Variants in ABCA8 observed in about 807,000 individuals in gnomAD.
ABCA8 encodes the protein ABC-type organic anion transporter ABCA8.
Under a neutral mutation model 192.3 loss-of-function variants are expected in ABCA8, and 177 were observed. That is an observed-to-expected ratio of 0.92 (90% confidence interval 0.81 to 1.04). The LOEUF (loss-of-function observed/expected upper bound fraction) is 1.04, where lower values mean the gene tolerates loss of function less well. ABCA8 is among the 50% of genes least tolerant of loss of function. ABCA8 has a pLI of 0.00. For synonymous variants in ABCA8, 642 were observed against 690.2 expected (o/e 0.93, Z 1.09); for missense variants, 1,915 against 1,904.8 (o/e 1.01, Z -0.10).
At position 68,918,091 on chromosome 17, in the gene ABCA8, A is replaced by T; in HGVS notation, c.2003T>A (p.Ile668Asn). The T allele has an allele frequency of 6.2e-7, 1 of 1,614,186 alleles. No individual in the cohort carries two copies. The highest frequency in any genetic ancestry group is 8.5e-7 in the Non-Finnish European group (1 of 1,180,026). The change falls in exon 16 of 40, where the codon ATC becomes AAC. Residue 668 changes from isoleucine to asparagine, a missense_variant. By Grantham distance (149) the Ile-to-Asn change is moderately radical. Transcript: ENST00000586539. ...LLKERKTDRV[I>N]LFSTQFMDEA... ...ATCCATGAACTGGGTACTGAAGAGGATCACGCGGTCTGTTTTGCGTTCTTT... is the reference window on the plus strand; with the variant it reads ...ATCCATGAACTGGGTACTGAAGAGGTTCACGCGGTCTGTTTTGCGTTCTTT...
intron 17 of ABCA8, among the ~76,000 whole-genome samples, chr17:68,909,679 A>C (rs949189430): frequency 6.6e-6 from 1 of 152,196 alleles, no homozygotes; most frequent in African/African-American, 2.4e-5. Flanking sequence ...AAGAGATGCA[A>C]ACAAAGTGCT....
rs770588239 is a variant in ABCA8, at chr17:68,940,753, C to G, written c.301+5G>C. 113 of 1,610,634 alleles carry G rather than the reference C, an allele frequency of 7.0e-5. No homozygotes were observed. The highest frequency in any genetic ancestry group is 9.5e-5 in the Non-Finnish European group (112 of 1,177,280). On this transcript the variant is annotated splice_donor_5th_base_variant and intron_variant, in intron 4 of 39. Transcript: ENST00000586539. Reference sequence around the variant, plus strand: ...ACATTCTTCTTAAGTAACTAGAAAACTTACCTGCCAGGAAGGGAGTAGAGG... The same window carrying G: ...ACATTCTTCTTAAGTAACTAGAAAAGTTACCTGCCAGGAAGGGAGTAGAGG...
rs2068548113 is a variant in ABCA8 at position 68,950,798 on chromosome 17, A to C, written c.-166-1326T>G. 2.0e-5 allele frequency among the ~76,000 whole-genome samples: 3 copies of C among 152,260 alleles called. No homozygotes were observed. In the South Asian group the frequency reaches 6.2e-4, roughly 32 times the overall value. On this transcript the variant is annotated intron_variant, in intron 1 of 39. Coordinates refer to ENST00000586539, the MANE Select transcript of ABCA8 (RefSeq NM_001288985.2). Reference sequence around the variant, plus strand: ...AGAAAATGGATTCTGGAGTTGAGTGATTGATTGCATCAGTGACCCAATTAT... The same window carrying C: ...AGAAAATGGATTCTGGAGTTGAGTGCTTGATTGCATCAGTGACCCAATTAT...
rs780989977 is a variant in ABCA8, at chr17:68,894,974, TG to T, written c.2803del (p.Gln935ArgfsTer3). The T allele has an allele frequency of 6.2e-7, 1 of 1,613,646 alleles. No individual in the cohort carries two copies. The highest frequency in any genetic ancestry group is 2.2e-5 in the East Asian group (1 of 44,796). On this transcript the variant is annotated frameshift_variant, in exon 22 of 40. Transcript: ENST00000586539. LOFTEE classifies it high-confidence loss of function. ...TGCATCCACTTCTAAAGCTATGTTCTGGTGCTCCACAGACTGTATAAAGTCA... is the reference window on the plus strand; with the variant it reads ...TGCATCCACTTCTAAAGCTATGTTCTGTGCTCCACAGACTGTATAAAGTCA... The part of the protein sequence containing the change: ...IDDFIQSVEH[Q>X]NIALEVDAFG...
chr17:68,929,493 T>A, intron 8 of ABCA8, 68 bp downstream of exon 8: 1 of 1,498,750 alleles, frequency 6.7e-7, no homozygotes, highest in Non-Finnish European at 9.0e-7. Flanking sequence ...GCATACAGAG[T>A]AATCAGTCGG....
intron 31 of ABCA8, among the ~76,000 whole-genome samples, 181 bp from the exon 32 acceptor site, chr17:68,881,392 A>G (rs911893975): frequency 3.3e-5 from 5 of 152,158 alleles, no homozygotes; most frequent in African/African-American, 1.2e-4. Flanking sequence ...GCTCTCAATG[A>G]TGGGGTTACC....
intron 29 of ABCA8, 98 bp from the exon 30 acceptor site, chr17:68,882,817 T>A: frequency 8.9e-7 from 1 of 1,124,498 alleles, no homozygotes; most frequent in Non-Finnish European, 1.3e-6. Flanking sequence ...TACGAGCAAT[T>A]AACAAACCAT....
chr17:68,897,779 C>G (rs1354536565), intron 21 of ABCA8, among the ~76,000 whole-genome samples: 1 of 151,850 alleles, frequency 6.6e-6, no homozygotes, highest in African/African-American at 2.4e-5. Flanking sequence ...ATTAGCAGAC[C>G]TGAAGATATA....
intron 10 of ABCA8, among the ~76,000 whole-genome samples, chr17:68,926,807 A>T (rs958078338): frequency 1.3e-5 from 2 of 152,220 alleles, no homozygotes; most frequent in Admixed American, 6.5e-5. Context: ...CTGCCTCAAG[A>T]TGTGGCTGTC....
chr17:68,943,466 C>T (rs1217523972), intron 2 of ABCA8, among the ~76,000 whole-genome samples: 1 of 152,146 alleles, frequency 6.6e-6, no homozygotes, highest in Admixed American at 6.6e-5. Flanking sequence ...ACCATATTGC[C>T]ATTCTCTATA....
At chr17:68,929,769 T>C (rs4147977) in intron 7 of ABCA8, 67 bp from the exon 8 acceptor site, 712,043 of 1,387,680 alleles carry the variant, frequency 0.51, 189,185 homozygotes, top group Non-Finnish European at 0.55. Flanking sequence ...CTGAAATGGA[T>C]TCTAAGATAA....
chr17:68,884,017 G>A, intron 28 of ABCA8, 135 bp from the exon 29 acceptor site: 2 of 641,388 alleles, frequency 3.1e-6, no homozygotes, highest in Middle Eastern at 4.4e-4. Flanking sequence ...AACCTATCCA[G>A]CAAATTGTGA....
intron 21 of ABCA8, among the ~76,000 whole-genome samples, chr17:68,900,349 A>C (rs2066874366): frequency 1.3e-5 from 2 of 152,054 alleles, no homozygotes; most frequent in African/African-American, 4.8e-5. Flanking sequence ...GTATAATGGA[A>C]AAATTCCTGG....
intron 19 of ABCA8, 104 bp downstream of exon 19, chr17:68,905,940 G>T: frequency 9.2e-7 from 1 of 1,086,234 alleles, no homozygotes; most frequent in Non-Finnish European, 1.3e-6. Context: ...GCTTGTCTAA[G>T]AAGAGCCTTA....
intron 37 of ABCA8, 26 bp from the exon 38 acceptor site, chr17:68,869,805 A>G: frequency 6.7e-7 from 1 of 1,503,684 alleles, no homozygotes; most frequent in Non-Finnish European, 9.3e-7. Flanking sequence ...AGGTAAGAAG[A>G]GTGATACCAC....
chr17:68,944,316 T>TAATATATATATATATATATATA (rs1226746677), intron 2 of ABCA8, among the ~76,000 whole-genome samples: 3 of 29,274 alleles, frequency 1.0e-4, no homozygotes, highest in Non-Finnish European at 2.0e-4. Flanking sequence ...GAACTTAAAG[T>TAATATATATATATATATATATA]TATATATATA....
intron 1 of ABCA8, among the ~76,000 whole-genome samples, chr17:68,954,625 A>G (rs1206085283): frequency 6.6e-6 from 1 of 152,182 alleles, no homozygotes; most frequent in East Asian, 1.9e-4. Context: ...TTTAAATAAC[A>G]TTGTGGTAAA....
rs2067563252 is a variant in ABCA8 at position 68,922,242 on chromosome 17, C to CTTTTT, written c.1500_1501insAAAAA (p.Asp501LysfsTer28). On this transcript the variant is annotated frameshift_variant and splice_region_variant, in exon 12 of 40. Coordinates refer to ENST00000586539, the MANE Select transcript of ABCA8 (RefSeq NM_001288985.2). LOFTEE classifies it high-confidence loss of function. Reference sequence around the variant, plus strand: ...TTTTTTTTTTTTTTTTTTTTTTTACCTTTCAAGGCTTCTATTTTATCAGGC... The same window carrying CTTTTT: ...TTTTTTTTTTTTTTTTTTTTTTTACCTTTTTTTTCAAGGCTTCTATTTTATCAGGC... The CTTTTT allele has an allele frequency of 3.3e-6, 1 of 303,088 alleles. No individual in the cohort carries two copies. The allele number at this position is 303,088 out of a possible 1,614,324, so 18.8% of individuals were successfully genotyped here. A position where few individuals can be genotyped will look rare whatever the true frequency, so the allele number is the denominator to read the frequency against.
intron 2 of ABCA8, among the ~76,000 whole-genome samples, chr17:68,946,571 A>G (rs78290268): frequency 0.062 from 9,466 of 152,194 alleles, 425 homozygotes; most frequent in East Asian, 0.24. Flanking sequence ...CAGCCGGCCA[A>G]AAGACGGATG....
Sources: gnomAD v4.1 joint callset for allele counts (sites outside exome capture counted in the v4.1 genomes callset) on GRCh38, gnomAD v4.1.1 for gene constraint, MANE v1.5 for transcripts, NCBI Gene and HGNC (gene_info 2026-07-23, HGNC 2026-07-21) for gene names.